The following TMPRSS15 variants were observed in gnomAD, a reference collection of about 807,000 sequenced individuals.
TMPRSS15 encodes the protein transmembrane serine protease 15.
TMPRSS15 carries 128 observed loss-of-function variants against 125.3 expected under a neutral mutation model. The ratio of observed to expected loss-of-function variants is 1.02; its 90% CI spans 0.89 to 1.18. TMPRSS15 has a LOEUF of 1.18. Ranked by LOEUF, TMPRSS15 falls within the 50% of genes most tolerant of loss-of-function variation. TMPRSS15 has a pLI of 0.00. For synonymous variants in TMPRSS15, 446 were observed against 423.2 expected, an observed-to-expected ratio of 1.05 and a Z score of -0.66; for missense variants, 1,283 against 1,212.7, an observed-to-expected ratio of 1.06 and a Z score of -0.86.
At chr21:18,398,914 G>A (rs2076067739) in intron 1 of TMPRSS15, among the ~76,000 whole-genome samples, 1 of 151,886 alleles carries the variant, frequency 6.6e-6, no homozygotes, top group Non-Finnish European at 1.5e-5. Context: ...CTTTGTTGAA[G>A]ACGTTATTTA....
chr21:18,425,331 T>A (rs889165030), intron 1 of TMPRSS15, among the ~76,000 whole-genome samples: 5 of 152,160 alleles, frequency 3.3e-5, no homozygotes. Context: ...TGGTAGATTG[T>A]CAAATCTTAT....
chr21:18,414,832 G>A (rs2076176086), intron 1 of TMPRSS15, among the ~76,000 whole-genome samples: 1 of 152,128 alleles, frequency 6.6e-6, no homozygotes, highest in Non-Finnish European at 1.5e-5. Context: ...CAGAGATGCA[G>A]ATATCTCTTT....
chr21:18,386,190 C>T (rs1036280812), intron 3 of TMPRSS15, among the ~76,000 whole-genome samples: 1 of 151,848 alleles, frequency 6.6e-6, no homozygotes, highest in Non-Finnish European at 1.5e-5. Context: ...GAATATTGGC[C>T]AATATTTTCA....
At chr21:18,376,664 A>C (rs573561714) in intron 5 of TMPRSS15, among the ~76,000 whole-genome samples, 1 of 152,326 alleles carries the variant, frequency 6.6e-6, no homozygotes, top group South Asian at 2.1e-4. Flanking sequence ...GCTGTAGTGT[A>C]GAAATCCCTC....
intron 10 of TMPRSS15, among the ~76,000 whole-genome samples, chr21:18,349,811 C>T (rs2824760): frequency 0.44 from 66,591 of 152,026 alleles, 15,383 homozygotes; most frequent in East Asian, 0.81. Flanking sequence ...GACATTCAAC[C>T]CGTTTCACTT....
intron 24 of TMPRSS15, among the ~76,000 whole-genome samples, chr21:18,273,511 A>G (rs2074585731): frequency 6.6e-6 from 1 of 152,200 alleles, no homozygotes; most frequent in Non-Finnish European, 1.5e-5. Context: ...AAGGAATAAC[A>G]TGCTTAGACT....
chr21:18,336,503 A>G (rs537158351), intron 13 of TMPRSS15, among the ~76,000 whole-genome samples: 17 of 152,320 alleles, frequency 1.1e-4, no homozygotes, highest in African/African-American at 4.1e-4. Flanking sequence ...ATCAAAATTT[A>G]TGTTTTCATT....
chr21:18,288,087 T>C (rs765618618), intron 21 of TMPRSS15, among the ~76,000 whole-genome samples: 7 of 152,144 alleles, frequency 4.6e-5, no homozygotes, highest in Non-Finnish European at 1.0e-4. Context: ...TCAACATAAG[T>C]GTTCATCAAC....
chr21:18,456,307 C>T (rs1345700462), intron 1 of TMPRSS15, among the ~76,000 whole-genome samples: 4 of 152,018 alleles, frequency 2.6e-5, no homozygotes, highest in South Asian at 2.1e-4. Context: ...CTAATGTCAG[C>T]GTTTCACTGA....
intron 1 of TMPRSS15, among the ~76,000 whole-genome samples, chr21:18,442,324 T>G (rs928968843): frequency 1.3e-5 from 2 of 152,220 alleles, no homozygotes; most frequent in African/African-American, 4.8e-5. Flanking sequence ...ACGTATTTGC[T>G]AGCAGATTAT....
chr21:18,320,923 G>T (rs1337321680), intron 16 of TMPRSS15, among the ~76,000 whole-genome samples: 1 of 152,144 alleles, frequency 6.6e-6, no homozygotes, highest in African/African-American at 2.4e-5. Flanking sequence ...GCTAAGAATT[G>T]AATTTCCCCA....
chr21:18,412,631 C>T (rs997227247), intron 1 of TMPRSS15, among the ~76,000 whole-genome samples: 1 of 152,168 alleles, frequency 6.6e-6, no homozygotes, highest in Non-Finnish European at 1.5e-5. Flanking sequence ...ATGTCAGTTT[C>T]GAGAACAAAG....
At chr21:18,277,056 G>T (rs114960137) in intron 23 of TMPRSS15, among the ~76,000 whole-genome samples, 1 of 151,936 alleles carries the variant, frequency 6.6e-6, no homozygotes, top group Non-Finnish European at 1.5e-5. Context: ...ATGAGCCACC[G>T]CACCCGGCCA....
At position 18,367,168 on chromosome 21, in the gene TMPRSS15, C is replaced by T. The variant is rs1048373618; in HGVS notation, c.665-1920G>A. ...CCTGATTTCCAGAAGAAAAAAAGAACGAAAATAAGAAAAGAAAAGATAACA... is the reference window on the plus strand; with the variant it reads ...CCTGATTTCCAGAAGAAAAAAAGAATGAAAATAAGAAAAGAAAAGATAACA... On this transcript the variant is annotated intron_variant, in intron 6 of 24. Coordinates refer to ENST00000284885, the MANE Select transcript of TMPRSS15 (RefSeq NM_002772.3). Among the ~76,000 whole-genome samples the T allele has an allele frequency of 4.0e-5, 6 of 150,990 alleles. No homozygotes were observed. The East Asian group carries it at 5.8e-4, about 15-fold the overall frequency.
chr21:18,450,941 C>T (rs889899042), intron 1 of TMPRSS15, among the ~76,000 whole-genome samples: 5 of 152,188 alleles, frequency 3.3e-5, no homozygotes, highest in African/African-American at 4.8e-5. Flanking sequence ...ATACATTCTT[C>T]AGTTGTGTAT....
intron 1 of TMPRSS15, among the ~76,000 whole-genome samples, chr21:18,415,477 C>T (rs2076177561): frequency 6.6e-6 from 1 of 152,072 alleles, no homozygotes; most frequent in South Asian, 2.1e-4. Flanking sequence ...AGAAGTTTGA[C>T]AGTTCAGATC....
chr21:18,412,231 T>C (rs1406475431), intron 1 of TMPRSS15, among the ~76,000 whole-genome samples: 2 of 152,192 alleles, frequency 1.3e-5, no homozygotes, highest in African/African-American at 4.8e-5. Flanking sequence ...TATTTGATAT[T>C]GAAAGAGAGT....
At chr21:18,322,721 AG>A (rs2075251713) in intron 16 of TMPRSS15, among the ~76,000 whole-genome samples, 1 of 152,166 alleles carries the variant, frequency 6.6e-6, no homozygotes, top group Non-Finnish European at 1.5e-5. Flanking sequence ...CCAGAGGCTG[AG>A]AAGGGTAGTG....
intron 1 of TMPRSS15, among the ~76,000 whole-genome samples, chr21:18,479,480 GC>G (rs1568738743): frequency 6.6e-6 from 1 of 151,850 alleles, no homozygotes; most frequent in African/African-American, 2.4e-5. Flanking sequence ...ATGCATCATG[GC>G]AATTTTCTTT....
Sources: gnomAD v4.1 joint callset for allele counts (sites outside exome capture counted in the v4.1 genomes callset) on GRCh38, gnomAD v4.1.1 for gene constraint, MANE v1.5 for transcripts, NCBI Gene and HGNC (gene_info 2026-07-23, HGNC 2026-07-21) for gene names.